The following DNHD1 variants were observed in gnomAD, a reference collection of about 807,000 sequenced individuals.
The protein encoded by DNHD1 is dynein heavy chain domain 1.
In DNHD1, 383 loss-of-function variants were observed where a neutral mutation model predicts 458.1. That is an observed-to-expected ratio of 0.84 (90% CI 0.77 to 0.91). DNHD1 has a LOEUF of 0.91. Ranked by LOEUF, DNHD1 falls within the 40% of genes least tolerant of loss-of-function variation. DNHD1 has a pLI of 0.00. For synonymous variants in DNHD1, 2,203 were observed against 2,376.9 expected, an observed-to-expected ratio of 0.93 and a Z score of 2.13; for missense variants, 5,336 against 5,866.1, an observed-to-expected ratio of 0.91 and a Z score of 2.95.
chr11:6,531,889 AT>A (rs1284073257), intron 12 of DNHD1, among the ~76,000 whole-genome samples: 3 of 152,308 alleles, frequency 2.0e-5, no homozygotes, highest in African/African-American at 7.2e-5. Context: ...ATATATTTTT[AT>A]GTTTACATTT....
chr11:6,557,861 C>T lies in DNHD1; in HGVS notation c.8566C>T (p.Leu2856=). 6.4e-7 allele frequency: 1 copy of T among 1,551,156 alleles called. No homozygotes were observed. The highest frequency in any genetic ancestry group is 8.7e-7 in the Non-Finnish European group (1 of 1,146,966). The change falls in exon 25 of 43, where the codon CTG becomes TTG. Residue 2856 remains leucine (L), a synonymous_variant. Coordinates refer to ENST00000254579, the MANE Select transcript of DNHD1 (RefSeq NM_144666.3). ...EEQLATSAAQ[L]KLSPHLARCH... is the part of the protein sequence containing the mutation. The stretch of plus-strand genomic sequence containing the variant: ...GCAGTTGGCCACCTCAGCTGCTCAA[C>T]TGAAGTTGAGCCCCCACCTGGCCCG...
At position 6,564,505 on chromosome 11, in the gene DNHD1, T is replaced by C; in HGVS notation, c.10457T>C (p.Leu3486Pro). ...GGCCCAGATGATGTGGCACAGGCAC[T>C]GAAGCGGAAGCAAAAATCTGTCAGC... Reference protein sequence around the residue: ...ALGPDDVAQALKRKQKSVSIP... With the variant: ...ALGPDDVAQAPKRKQKSVSIP... Residue 3486 changes from leucine to proline, a missense_variant, in exon 32 of 43, where the codon CTG (leucine) becomes CCG (proline). Coordinates refer to ENST00000254579, the MANE Select transcript of DNHD1 (RefSeq NM_144666.3). 1 of 1,551,694 alleles carries C rather than the reference T, an allele frequency of 6.4e-7. No individual in the cohort carries two copies. The highest frequency in any genetic ancestry group is 8.7e-7 in the Non-Finnish European group (1 of 1,146,984).
In DNHD1 at chr11:6,558,452, A is replaced by G. The variant is rs1232039024; in HGVS notation, c.9003-33A>G. ...GGCCAGGAGGGGCAAGCAAAGGTAAAGGGGAGGACATTAGCTGAGCCCTGG... is the reference window on the plus strand; with the variant it reads ...GGCCAGGAGGGGCAAGCAAAGGTAAGGGGGAGGACATTAGCTGAGCCCTGG... On this transcript the variant is annotated intron_variant, in intron 25 of 42. Transcript: ENST00000254579. 3 of 1,550,122 alleles carry G rather than the reference A, an allele frequency of 1.9e-6. No homozygotes were observed. In the South Asian group the frequency reaches 3.6e-5, roughly 18 times the overall value.
chr11:6,547,224 G>A lies in DNHD1; in HGVS notation c.6285G>A (p.Leu2095=), dbSNP rs1853240265. 3 of 1,551,684 alleles carry A rather than the reference G, an allele frequency of 1.9e-6. No homozygotes were observed. The East Asian group carries it at 7.3e-5, about 38-fold the overall frequency. ...ICDGASNGAW[L]DSITCLLSEL... ...ATGGAGCCTCCAATGGTGCTTGGCT[G>A]GACTCCATCACTTGCCTCCTGAGTG... Residue 2095 remains leucine, a synonymous_variant, in exon 21 of 43, where the codon CTG becomes CTA. Transcript: ENST00000254579.
chr11:6,556,762 G>T lies in DNHD1; in HGVS notation c.7467G>T (p.Leu2489Phe). 2 of 1,551,614 alleles carry T rather than the reference G, an allele frequency of 1.3e-6. No homozygotes were observed. Among genetic ancestry groups the T allele is most frequent in the South Asian group, 2.4e-5 (2 of 84,056 alleles). Residue 2489 changes from leucine to phenylalanine, a missense_variant, in exon 25 of 43, where the codon TTG becomes TTT. Physicochemically the swap from Leu to Phe is conservative, Grantham distance 22. Around this residue, in one of 4 missense-constraint regions of DNHD1, gnomAD observed 3,932 missense variants for 4,365.6 expected, o/e 0.90. Coordinates refer to ENST00000254579, the MANE Select transcript of DNHD1 (RefSeq NM_144666.3). ...MDGTVYAHSTLELQTLQPTVN... is the reference protein window; with the variant it reads ...MDGTVYAHSTFELQTLQPTVN... ...GCACTGTGTATGCCCACAGCACCTT[G>T]GAACTGCAGACGCTGCAGCCTACAG... is the stretch of plus-strand genomic sequence containing the variant.
rs764661105 is a variant in DNHD1, at chr11:6,545,007, C to T, written c.4068C>T (p.Phe1356=). The part of the protein sequence containing the change: ...ESVLYGVCAH[F]PRLFFLSDSE... ...TGCTCTATGGGGTGTGTGCTCACTTCCCCCGCCTCTTCTTCCTTAGTGACA... is the reference window on the plus strand; with the variant it reads ...TGCTCTATGGGGTGTGTGCTCACTTTCCCCGCCTCTTCTTCCTTAGTGACA... Residue 1356 remains phenylalanine, a synonymous_variant, in exon 21 of 43, where the codon TTC becomes TTT. Coordinates refer to ENST00000254579, the MANE Select transcript of DNHD1 (RefSeq NM_144666.3). This position sits in a 1 kb window ranked among gnomAD's most constrained non-coding sequence, Gnocchi z 4.9. 6.7e-5 allele frequency: 104 copies of T among 1,551,656 alleles called. No individual in the cohort carries two copies. Among genetic ancestry groups the T allele is most frequent in the Non-Finnish European group, 8.7e-5 (100 of 1,147,014 alleles).
In DNHD1 at chr11:6,563,726, G is replaced by T; in HGVS notation, c.9886G>T (p.Asp3296Tyr). The T allele has an allele frequency of 3.2e-6, 5 of 1,547,942 alleles. No individual in the cohort carries two copies. The highest frequency in any genetic ancestry group is 1.2e-5 in the South Asian group (1 of 83,924). ...GTTCTTCCCCAAGGAGAAGATAACA[G>T]ACTCAGAGCTGATAAAGTTACATCT... ...LVFFPKEKITDSELIKLHLIL... is the reference protein window; with the variant it reads ...LVFFPKEKITYSELIKLHLIL... The change falls in exon 31 of 43, where the codon GAC becomes TAC. Residue 3296 changes from aspartate to tyrosine, a missense_variant. By Grantham distance (160) the Asp-to-Tyr change is radical. This residue lies in a region of DNHD1 where 3,932 missense variants were observed against 4,365.6 expected (regional missense o/e 0.90). Coordinates refer to ENST00000254579, the MANE Select transcript of DNHD1 (RefSeq NM_144666.3).
At position 6,548,923 on chromosome 11, in the gene DNHD1, A is replaced by G; in HGVS notation, c.7377A>G (p.Leu2459=). The G allele has an allele frequency of 1.3e-6, 2 of 1,551,652 alleles. No homozygotes were observed. The highest frequency in any genetic ancestry group is 1.2e-5 in the South Asian group (1 of 84,054). Residue 2459 remains leucine (L), a synonymous_variant, in exon 24 of 43, where the codon CTA becomes CTG. Coordinates refer to ENST00000254579, the MANE Select transcript of DNHD1 (RefSeq NM_144666.3). This position sits in a 1 kb window ranked among gnomAD's most constrained non-coding sequence, Gnocchi z 4.4. ...SLLFLLEDLH[L]ATSDPEKSCQ... ...TCTTCTTGCTGGAGGACCTGCACCT[A>G]GCCACTTCTGGTGAGGAGCTGCGAA...
At chr11:6,543,116 G>A (rs572288771) in intron 18 of DNHD1, among the ~76,000 whole-genome samples, 2 of 152,350 alleles carry the variant, frequency 1.3e-5, no homozygotes, top group African/African-American at 4.8e-5. Context: ...GAAAGCATTA[G>A]TCCAGTGCTG....
chr11:6,527,009 T>C (rs577917213), intron 10 of DNHD1, among the ~76,000 whole-genome samples: 11 of 152,342 alleles, frequency 7.2e-5, no homozygotes, highest in African/African-American at 2.6e-4. Flanking sequence ...TTGCAGATGG[T>C]TTGACCCCAC....
rs1043579590 is a variant in DNHD1, at chr11:6,570,853, C to T, written c.13341C>T (p.Asn4447=). 8 of 1,614,044 alleles carry T rather than the reference C, an allele frequency of 5.0e-6. No individual in the cohort carries two copies. The highest frequency in any genetic ancestry group is 1.1e-5 in the South Asian group (1 of 91,090). ...TGCGGCAACGCCTAGTGCAAGTCAA[C>T]CGGAGGCTGGAGTCACTGCAGGATC... ...RRLRQRLVQV[N]RRLESLQDLL... The change falls in exon 42 of 43, where the codon AAC becomes AAT. Residue 4447 remains asparagine, a synonymous_variant. Transcript: ENST00000254579.
In DNHD1 at chr11:6,571,576, C is replaced by T; in HGVS notation, c.13912-60C>T. The T allele has an allele frequency of 1.4e-6, 2 of 1,479,206 alleles. No homozygotes were observed. The highest frequency in any genetic ancestry group is 2.5e-5 in the East Asian group (1 of 40,418). 91.6% of individuals were successfully genotyped at this position (1,479,206 alleles called of 1,614,324 possible). Reference sequence around the variant, plus strand: ...ACGACCTCCTACCCGCTAACCCCCACTTCCCACCTGCCACCTCCCAGCTTC... The same window carrying T: ...ACGACCTCCTACCCGCTAACCCCCATTTCCCACCTGCCACCTCCCAGCTTC... On this transcript the variant is annotated intron_variant, in intron 42 of 42. Coordinates refer to ENST00000254579, the MANE Select transcript of DNHD1 (RefSeq NM_144666.3). This position sits in a 1 kb window ranked among gnomAD's most constrained non-coding sequence, Gnocchi z 5.0.
chr11:6,552,733 C>T (rs754120051), intron 24 of DNHD1, among the ~76,000 whole-genome samples: 3 of 151,906 alleles, frequency 2.0e-5, no homozygotes, highest in Non-Finnish European at 2.9e-5. Flanking sequence ...TGGGGGAAGC[C>T]GGCCCCGTGA....
rs374016172 is a variant in DNHD1 at position 6,566,357 on chromosome 11, C to T, written c.11170C>T (p.Leu3724Phe). Reference protein sequence around the residue: ...PQVQPGFCLYLSTTLSLCAME... With the variant: ...PQVQPGFCLYFSTTLSLCAME... ...GGTGCAGCCTGGCTTCTGTCTGTAT[C>T]TCAGCACCACCCTCTCCCTCTGTGC... Residue 3724 changes from leucine to phenylalanine, a missense_variant, in exon 34 of 43, where the codon CTC becomes TTC. Physicochemically the swap from Leu to Phe is conservative, Grantham distance 22. Around this residue, in one of 4 missense-constraint regions of DNHD1, gnomAD observed 695 missense variants for 804.2 expected, o/e 0.86. Coordinates refer to ENST00000254579, the MANE Select transcript of DNHD1 (RefSeq NM_144666.3). 1.3e-5 allele frequency: 21 copies of T among 1,557,088 alleles called. No individual in the cohort carries two copies. The highest frequency in any genetic ancestry group is 1.8e-5 in the Non-Finnish European group (21 of 1,150,242).
Position 6,566,343 on chromosome 11 carries a change from G to T in DNHD1, c.11156G>T (p.Gly3719Val). ...EQLSPPQVQPGFCLYLSTTLS... is the reference protein window; with the variant it reads ...EQLSPPQVQPVFCLYLSTTLS... ...CTGAGTCCACCCCAGGTGCAGCCTGGCTTCTGTCTGTATCTCAGCACCACC... is the reference window on the plus strand; with the variant it reads ...CTGAGTCCACCCCAGGTGCAGCCTGTCTTCTGTCTGTATCTCAGCACCACC... The change falls in exon 34 of 43, where the codon GGC becomes GTC. Residue 3719 changes from glycine to valine, a missense_variant. Physicochemically the swap from Gly to Val is moderately radical, Grantham distance 109. Coordinates refer to ENST00000254579, the MANE Select transcript of DNHD1 (RefSeq NM_144666.3). 6.4e-7 allele frequency: 1 copy of T among 1,555,456 alleles called. No individual in the cohort carries two copies. The highest frequency in any genetic ancestry group is 1.2e-5 in the South Asian group (1 of 84,230).
At chr11:6,541,069 G>T (rs1355778951) in intron 18 of DNHD1, among the ~76,000 whole-genome samples, 1 of 152,176 alleles carries the variant, frequency 6.6e-6, no homozygotes, top group Non-Finnish European at 1.5e-5. Flanking sequence ...CCTTATGAAG[G>T]GAAGGGCCTT....
At chr11:6,511,836 T>C (rs2134380042) in intron 7 of DNHD1, among the ~76,000 whole-genome samples, 1 of 152,336 alleles carries the variant, frequency 6.6e-6, no homozygotes, top group Non-Finnish European at 1.5e-5. Flanking sequence ...GATGCAATGA[T>C]GGAGTCCTTC....
intron 4 of DNHD1, among the ~76,000 whole-genome samples, chr11:6,504,468 A>G (rs1490364152): frequency 2.0e-5 from 3 of 152,108 alleles, no homozygotes; most frequent in Non-Finnish European, 4.4e-5. Context: ...GTCTTTTTTG[A>G]GACAGAGTTT....
chr11:6,511,241 C>G, intron 6 of DNHD1, 32 bp from the exon 7 acceptor site: 1 of 1,608,296 alleles, frequency 6.2e-7, no homozygotes, highest in Middle Eastern at 1.7e-4. Flanking sequence ...GATTGGGATG[C>G]CAGCTCTGAC....
Sources: allele counts gnomAD v4.1 joint callset (sites outside exome capture counted in the v4.1 genomes callset), GRCh38; gene constraint gnomAD v4.1.1; regional missense constraint gnomAD v4.1.1; non-coding constraint Gnocchi (gnomAD v3.1); transcripts MANE v1.5; gene names NCBI Gene and HGNC (gene_info 2026-07-23, HGNC 2026-07-21).